Variants in BICRA observed in about 807,000 individuals in gnomAD.
BICRA encodes the protein BRD4 interacting chromatin remodeling complex associated protein.
Under a neutral mutation model 96.9 loss-of-function variants are expected in BICRA, and 31 were observed. The ratio of observed to expected loss-of-function variants is 0.32; its 90% CI spans 0.24 to 0.43. The LOEUF (loss-of-function observed/expected upper bound fraction) is 0.43. Among genes scored for constraint, BICRA ranks in the 20% least tolerant of loss-of-function variants. The pLI is 1.00. For synonymous variants in BICRA, 1,350 were observed against 1,071.8 expected (o/e 1.26, Z -5.07); for missense variants, 2,283 against 2,190.3 (o/e 1.04, Z -0.84).
intron 1 of BICRA, among the ~76,000 whole-genome samples, chr19:47,638,409 C>T (rs1346485438): frequency 6.6e-6 from 1 of 152,152 alleles, no homozygotes; most frequent in East Asian, 1.9e-4. Flanking sequence ...GAATAGGGAA[C>T]ACATGCTCAA....
Position 47,683,663 on chromosome 19 carries a change from C to T in BICRA, c.2283+1511C>T, listed in dbSNP as rs569224941. Among the ~76,000 whole-genome samples, 19 of 151,778 alleles carry T rather than the reference C, an allele frequency of 1.3e-4. No individual in the cohort carries two copies. The East Asian group carries it at 2.7e-3, about 22-fold the overall frequency. ...GCGGTGTCGCGATCTCTGCTCACTG[C>T]AAGCTCCGCCTCTCGGGTTCACGCC... On this transcript the variant is annotated intron_variant, in intron 7 of 14. Transcript: ENST00000594866.
chr19:47,638,303 T>G (rs545166320), intron 1 of BICRA, among the ~76,000 whole-genome samples: 10 of 152,190 alleles, frequency 6.6e-5, no homozygotes, highest in East Asian at 3.9e-4. Flanking sequence ...GCCTGCTGCT[T>G]CTTCAGCTCC....
rs986461147 is a variant in BICRA, at chr19:47,703,073, C to T, written c.*658C>T. ...CAAGAAACTGGGGTCTTCCTCTCCCCCGAACCTCTCCCCAGCTAGTCTTCC... is the reference window on the plus strand; with the variant it reads ...CAAGAAACTGGGGTCTTCCTCTCCCTCGAACCTCTCCCCAGCTAGTCTTCC... On this transcript the variant is annotated 3_prime_UTR_variant, in exon 15 of 15. Coordinates refer to ENST00000594866, the MANE Select transcript of BICRA (RefSeq NM_001394372.1). 1 of 152,628 alleles carries T rather than the reference C, an allele frequency of 6.6e-6. No individual in the cohort carries two copies. The highest frequency in any genetic ancestry group is 6.6e-5 in the Admixed American group (1 of 15,256). The allele number at this position is 152,628 out of a possible 1,614,324, so 9.5% of individuals were successfully genotyped here.
Position 47,694,190 on chromosome 19 carries a change from G to C in BICRA, c.2359G>C (p.Asp787His), listed in dbSNP as rs1383872735. The C allele has an allele frequency of 6.7e-7, 1 of 1,489,338 alleles. No homozygotes were observed. Among genetic ancestry groups the C allele is most frequent in the Non-Finnish European group, 9.0e-7 (1 of 1,110,096 alleles). The allele number at this position is 1,489,338 out of a possible 1,614,324, so 92.3% of individuals were successfully genotyped here. A position where few individuals can be genotyped will look rare whatever the true frequency, so the allele number is the denominator to read the frequency against. The change falls in exon 8 of 15, where the codon GAC becomes CAC. Residue 787 changes from aspartate to histidine, a missense_variant. Coordinates refer to ENST00000594866, the MANE Select transcript of BICRA (RefSeq NM_001394372.1). ...PSLPHQAPLG[D>H]SPHLPSPHPT... ...ACTACCTCACCAGGCCCCTCTGGGG[G>C]ACAGCCCCCACCTGCCCTCCCCACA...
intron 7 of BICRA, among the ~76,000 whole-genome samples, chr19:47,690,126 C>T (rs1302957526): frequency 6.6e-6 from 1 of 151,978 alleles, no homozygotes; most frequent in Non-Finnish European, 1.5e-5. Context: ...CTCAGCCTCC[C>T]TAGTAGCTGG....
chr19:47,623,868 T>TGAGACC (rs1972101261), intron 1 of BICRA, among the ~76,000 whole-genome samples: 1 of 148,416 alleles, frequency 6.7e-6, no homozygotes, highest in Non-Finnish European at 1.5e-5. Context: ...TTTTTGAGAC[T>TGAGACC]GAGACCGAGT....
At position 47,699,375 on chromosome 19, in the gene BICRA, T is replaced by G; in HGVS notation, c.3565T>G (p.Leu1189Val). The change falls in exon 14 of 15, where the codon TTG becomes GTG. Residue 1189 changes from leucine (L) to valine (V), a missense_variant. Transcript: ENST00000594866. This position sits in a 1 kb window ranked among gnomAD's most constrained non-coding sequence, Gnocchi z 5.0. ...TCAGGAGGAGAAGACCACCCTTGCC[T>G]TGGATAAACAGCTGGCCAAGGAGAA... is the stretch of plus-strand genomic sequence containing the variant. ...FIQEEKTTLA[L>V]DKQLAKEKPD... 1.3e-6 allele frequency: 2 copies of G among 1,566,380 alleles called. No individual in the cohort carries two copies. Among genetic ancestry groups the G allele is most frequent in the Non-Finnish European group, 1.7e-6 (2 of 1,155,466 alleles).
rs902302329 is a variant in BICRA, at chr19:47,702,282, G to A, written c.4550G>A (p.Arg1517Gln). The change falls in exon 15 of 15, where the codon CGG (arginine) becomes CAG (glutamine). Residue 1517 changes from arginine (R) to glutamine (Q), a missense_variant. Transcript: ENST00000594866. The part of the protein sequence containing the change: ...SILNLQQAPG[R>Q]TPAPSYPHAA... ...CTGAACCTGCAGCAGGCCCCCGGCC[G>A]GACGCCCGCGCCCTCGTACCCCCAC... The A allele has an allele frequency of 6.3e-7, 1 of 1,593,660 alleles. No homozygotes were observed. The highest frequency in any genetic ancestry group is 8.5e-7 in the Non-Finnish European group (1 of 1,176,140).
At chr19:47,687,391 G>A (rs1195311439) in intron 7 of BICRA, among the ~76,000 whole-genome samples, 2 of 151,924 alleles carry the variant, frequency 1.3e-5, no homozygotes, top group Non-Finnish European at 2.9e-5. Flanking sequence ...TCTTTCTTTT[G>A]ATGTCTTTAT....
chr19:47,702,687 T>G lies in BICRA; in HGVS notation c.*272T>G, dbSNP rs1973486754. On this transcript the variant is annotated 3_prime_UTR_variant, in exon 15 of 15. Transcript: ENST00000594866. ...TGTGTCAGTTCCTGTTTCTTCCCAT[T>G]TCCTGGCACACTCTGCCCCTCTGTC... 8.4e-6 allele frequency: 4 copies of G among 473,706 alleles called. No homozygotes were observed. The highest frequency in any genetic ancestry group is 6.1e-5 in the South Asian group (2 of 32,662). 29.3% of individuals were successfully genotyped at this position (473,706 alleles called of 1,614,324 possible). A position where few individuals can be genotyped will look rare whatever the true frequency, so the allele number is the denominator to read the frequency against.
intron 1 of BICRA, among the ~76,000 whole-genome samples, chr19:47,659,837 C>T (rs1475904983): frequency 6.6e-6 from 1 of 152,092 alleles, no homozygotes; most frequent in Non-Finnish European, 1.5e-5. Flanking sequence ...ACAGCCTTAG[C>T]CTCCCAGGCT....
rs919783201 is a variant in BICRA at position 47,703,116 on chromosome 19, C to T, written c.*701C>T. The T allele has an allele frequency of 6.5e-6, 1 of 152,788 alleles. No individual in the cohort carries two copies. The highest frequency in any genetic ancestry group is 1.5e-5 in the Non-Finnish European group (1 of 68,130). 9.5% of individuals were successfully genotyped at this position (152,788 alleles called of 1,614,324 possible). A position where few individuals can be genotyped will look rare whatever the true frequency, so the allele number is the denominator to read the frequency against. On this transcript the variant is annotated 3_prime_UTR_variant, in exon 15 of 15. Coordinates refer to ENST00000594866, the MANE Select transcript of BICRA (RefSeq NM_001394372.1). Reference sequence around the variant, plus strand: ...AGTCTTCCCTCTGTTCTTCCTGCCTCCAGCCGCCCGCGCCAGATTTTGAAA... The same window carrying T: ...AGTCTTCCCTCTGTTCTTCCTGCCTTCAGCCGCCCGCGCCAGATTTTGAAA...
chr19:47,614,510 A>G (rs1971955710), intron 1 of BICRA, among the ~76,000 whole-genome samples: 1 of 152,222 alleles, frequency 6.6e-6, no homozygotes, highest in Non-Finnish European at 1.5e-5. Flanking sequence ...CCAGCTACTC[A>G]GGAGCCTGAG....
In BICRA at chr19:47,701,063, C is replaced by T; in HGVS notation, c.3596-265C>T. The T allele has an allele frequency of 2.0e-6, 1 of 503,730 alleles. No homozygotes were observed. The highest frequency in any genetic ancestry group is 3.5e-6 in the Non-Finnish European group (1 of 286,234). 31.2% of individuals were successfully genotyped at this position (503,730 alleles called of 1,614,324 possible). A position where few individuals can be genotyped will look rare whatever the true frequency, so the allele number is the denominator to read the frequency against. ...AAAGTGCTGGGATTACAGGCCTGAG[C>T]CTTGTTTTGTATTCTCTTAATTTAC... On this transcript the variant is annotated intron_variant, in intron 14 of 14. Coordinates refer to ENST00000594866, the MANE Select transcript of BICRA (RefSeq NM_001394372.1). This position sits in a 1 kb window ranked among gnomAD's most constrained non-coding sequence, Gnocchi z 5.4.
At chr19:47,695,342 T>TCGGGGGGGGGCC in intron 9 of BICRA, 23 bp from the exon 10 acceptor site, 4 of 630,200 alleles carry the variant, frequency 6.3e-6, no homozygotes, top group Non-Finnish European at 1.1e-5. Context: ...AGGCCCTGTC[T>TCGGGGGGGGGCC]CCCCCACCCC....
At chr19:47,645,000 A>G (rs1363226399) in intron 1 of BICRA, among the ~76,000 whole-genome samples, 1 of 152,194 alleles carries the variant, frequency 6.6e-6, no homozygotes, top group Non-Finnish European at 1.5e-5. Flanking sequence ...CCAAAGAACC[A>G]TTCTCTTATG....
At position 47,680,526 on chromosome 19, in the gene BICRA, G is replaced by C. The variant is rs767361952; in HGVS notation, c.1356G>C (p.Leu452=). The stretch of plus-strand genomic sequence containing the variant: ...GCAAACCCATGAGCGTCCACCTCCT[G>C]AACCAAGGCAGCAGCATCGTCATCC... ...ALSKPMSVHL[L]NQGSSIVIPA... The change falls in exon 6 of 15, where the codon CTG becomes CTC. Residue 452 remains leucine (L), a synonymous_variant. Coordinates refer to ENST00000594866, the MANE Select transcript of BICRA (RefSeq NM_001394372.1). 2.6e-6 allele frequency: 4 copies of C among 1,550,216 alleles called. No homozygotes were observed. In the East Asian group the frequency reaches 7.3e-5, roughly 28 times the overall value.
intron 1 of BICRA, among the ~76,000 whole-genome samples, chr19:47,644,405 C>G (rs1319137522): frequency 1.3e-5 from 2 of 150,960 alleles, no homozygotes; most frequent in East Asian, 2.0e-4. Context: ...CTTTCTTTCT[C>G]TCTCTCCTTC....
At chr19:47,673,664 T>G (rs1446948058) in intron 3 of BICRA, 49 bp downstream of exon 3, 8 of 820,234 alleles carry the variant, frequency 9.8e-6, no homozygotes, top group Non-Finnish European at 1.1e-5. Flanking sequence ...ACCCCCTCCC[T>G]TCCCTCCCCT....
Sources: allele counts gnomAD v4.1 joint callset (sites outside exome capture counted in the v4.1 genomes callset), GRCh38; gene constraint gnomAD v4.1.1; non-coding constraint Gnocchi (gnomAD v3.1); transcripts MANE v1.5; gene names NCBI Gene and HGNC (gene_info 2026-07-23, HGNC 2026-07-21).